DENND3: variants seen among roughly 807,000 people sequenced by gnomAD.
DENND3 encodes the protein DENN domain containing 3, also known as DENN domain-containing protein 3.
DENND3 carries 88 observed loss-of-function variants against 135.1 expected under a neutral mutation model. The observed-to-expected ratio is 0.65, with a 90% CI of 0.55 to 0.78. The LOEUF (loss-of-function observed/expected upper bound fraction) is 0.78, where lower values mean the gene tolerates loss of function less well. DENND3 is among the 30% of genes least tolerant of loss of function. DENND3 has a pLI of 0.00. For synonymous variants in DENND3, 693 were observed against 712.3 expected, an observed-to-expected ratio of 0.97 and a Z score of 0.43; for missense variants, 1,392 against 1,688.4, an observed-to-expected ratio of 0.82 and a Z score of 3.08.
At chr8:141,134,899 C>T (rs1047676031) in intron 1 of DENND3, among the ~76,000 whole-genome samples, 9 of 151,464 alleles carry the variant, frequency 5.9e-5, no homozygotes, top group South Asian at 2.1e-4. Flanking sequence ...GGTGAGATCT[C>T]GGCTCACTGC....
chr8:141,178,679 G>A (rs1269408098), intron 16 of DENND3, among the ~76,000 whole-genome samples: 1 of 152,212 alleles, frequency 6.6e-6, no homozygotes, highest in Non-Finnish European at 1.5e-5. Context: ...GCATGAGTGA[G>A]GAGAGGCCCT....
In DENND3 at chr8:141,146,654, A is replaced by C. The variant is rs1292641267; in HGVS notation, c.735+2395A>C. Among the ~76,000 whole-genome samples the C allele has an allele frequency of 6.6e-6, 1 of 152,176 alleles. No homozygotes were observed. Among genetic ancestry groups the C allele is most frequent in the Non-Finnish European group, 1.5e-5 (1 of 68,032 alleles). On this transcript the variant is annotated intron_variant, in intron 5 of 22. Coordinates refer to ENST00000519811, the MANE Select transcript of DENND3 (RefSeq NM_001352890.3). This position sits in a 1 kb window ranked among gnomAD's most constrained non-coding sequence, Gnocchi z 4.3. The stretch of plus-strand genomic sequence containing the variant: ...CAAAAGACACATGATTGTGAACTTA[A>C]AATGTGCGTTTTTAACATTACCCCA...
rs770135182 is a variant in DENND3, at chr8:141,168,213, A to G, written c.1963A>G (p.Asn655Asp). 6.2e-7 allele frequency: 1 copy of G among 1,614,140 alleles called. No homozygotes were observed. Among genetic ancestry groups the G allele is most frequent in the South Asian group, 1.1e-5 (1 of 91,084 alleles). Residue 655 changes from asparagine (N) to aspartate (D), a missense_variant, in exon 13 of 23, where the codon AAC becomes GAC. Transcript: ENST00000519811. This position sits in a 1 kb window ranked among gnomAD's most constrained non-coding sequence, Gnocchi z 6.2. ...LVYLMQGQLLNALLDFQNLYK... is the reference protein window; with the variant it reads ...LVYLMQGQLLDALLDFQNLYK... Reference sequence around the variant, plus strand: ...TTATCTGATGCAGGGACAGCTGCTGAACGCCCTCTTGGACTTCCAGAATCT... The same window carrying G: ...TTATCTGATGCAGGGACAGCTGCTGGACGCCCTCTTGGACTTCCAGAATCT...
In DENND3 at chr8:141,160,505, C is replaced by A. The variant is rs535399028; in HGVS notation, c.1197-127C>A. 14 of 1,197,546 alleles carry A rather than the reference C, an allele frequency of 1.2e-5. No individual in the cohort carries two copies. The African/African-American group carries it at 1.8e-4, about 16-fold the overall frequency. 74.2% of individuals were successfully genotyped at this position (1,197,546 alleles called of 1,614,324 possible). A position where few individuals can be genotyped will look rare whatever the true frequency, so the allele number is the denominator to read the frequency against. ...CCAGTGATGTACTTTAATGACCACCCGCCCCTCAAATTATTGATCGGTATT... is the reference window on the plus strand; with the variant it reads ...CCAGTGATGTACTTTAATGACCACCAGCCCCTCAAATTATTGATCGGTATT... On this transcript the variant is annotated intron_variant, in intron 8 of 22. Transcript: ENST00000519811.
Position 141,139,746 on chromosome 8 carries a change from A to G in DENND3, c.502-1457A>G, listed in dbSNP as rs1817226255. Among the ~76,000 whole-genome samples the G allele has an allele frequency of 6.6e-6, 1 of 152,196 alleles. No homozygotes were observed. Among genetic ancestry groups the G allele is most frequent in the African/African-American group, 2.4e-5 (1 of 41,446 alleles). On this transcript the variant is annotated intron_variant, in intron 3 of 22. Coordinates refer to ENST00000519811, the MANE Select transcript of DENND3 (RefSeq NM_001352890.3). This position sits in a 1 kb window ranked among gnomAD's most constrained non-coding sequence, Gnocchi z 4.2. ...AGCAGTCCCTCTGGTTTGCATGAGT[A>G]CAGCAGATGCCACTGTTCCCAGTGT...
rs765977192 is a variant in DENND3 at position 141,168,493 on chromosome 8, T to G, written c.2243T>G (p.Ile748Ser). 5.0e-6 allele frequency: 8 copies of G among 1,612,488 alleles called. No individual in the cohort carries two copies. Among genetic ancestry groups the G allele is most frequent in the Non-Finnish European group, 5.1e-6 (6 of 1,179,308 alleles). The change falls in exon 13 of 23, where the codon ATC (isoleucine) becomes AGC (serine). Residue 748 changes from isoleucine (I) to serine (S), a missense_variant. Transcript: ENST00000519811. The surrounding 1 kb of genome is among the most constrained non-coding windows in gnomAD (Gnocchi z 6.2). ...TCAGGGATCGTGAAGGACGCCAGCA[T>G]CATACACCGGCTGTTCGAGGCCTTG... is the stretch of plus-strand genomic sequence containing the variant. ...QESGIVKDAS[I>S]IHRLFEALTV...
chr8:141,151,911 T>C, intron 7 of DENND3, 74 bp downstream of exon 7: 1 of 1,563,016 alleles, frequency 6.4e-7, no homozygotes, highest in South Asian at 1.1e-5. Flanking sequence ...GGAAGATGCG[T>C]CTGAAAGTGC....
chr8:141,144,386 A>C lies in DENND3; in HGVS notation c.735+127A>C, dbSNP rs1014422872. The C allele has an allele frequency of 4.2e-5, 37 of 890,914 alleles. No homozygotes were observed. Among genetic ancestry groups the C allele is most frequent in the South Asian group, 1.3e-4 (6 of 47,912 alleles). The allele number at this position is 890,914 out of a possible 1,614,324, so 55.2% of individuals were successfully genotyped here. On this transcript the variant is annotated intron_variant, in intron 5 of 22. Coordinates refer to ENST00000519811, the MANE Select transcript of DENND3 (RefSeq NM_001352890.3). The surrounding 1 kb of genome is among the most constrained non-coding windows in gnomAD (Gnocchi z 4.4). Reference sequence around the variant, plus strand: ...GTTGTAAACCTAAAATAACATCCTAACCCCCCCGCCTCCCCACAGCTGACT... The same window carrying C: ...GTTGTAAACCTAAAATAACATCCTACCCCCCCCGCCTCCCCACAGCTGACT...
chr8:141,158,008 C>T, intron 8 of DENND3: 3 of 1,134,414 alleles, frequency 2.6e-6, no homozygotes, highest in Non-Finnish European at 3.3e-6. Flanking sequence ...GATCCACCTG[C>T]CTGGGCCTCC....
chr8:141,181,464 TGGCCCTGAGC>T (rs932461369), intron 17 of DENND3, among the ~76,000 whole-genome samples: 6 of 152,226 alleles, frequency 3.9e-5, no homozygotes, highest in African/African-American at 9.7e-5. Context: ...GGAGTCTGTG[TGGCCCTGAGC>T]GGCCCTGAGT....
rs757991385 is a variant in DENND3, at chr8:141,168,185, C to T, written c.1935C>T (p.Leu645=). The change falls in exon 13 of 23, where the codon CTC becomes CTT. Residue 645 remains leucine (L), a synonymous_variant. Coordinates refer to ENST00000519811, the MANE Select transcript of DENND3 (RefSeq NM_001352890.3). The surrounding 1 kb of genome is among the most constrained non-coding windows in gnomAD (Gnocchi z 6.2). ...CCCGCTATTTGTACCTCCGAGGGCT[C>T]GTTTATCTGATGCAGGGACAGCTGC... ...LLARYLYLRG[L]VYLMQGQLLN... is the part of the protein sequence containing the mutation. 13 of 1,614,164 alleles carry T rather than the reference C, an allele frequency of 8.1e-6. No homozygotes were observed. In the South Asian group the frequency reaches 1.2e-4, roughly 15 times the overall value.
chr8:141,190,694 T>C, intron 20 of DENND3: 1 of 378,764 alleles, frequency 2.6e-6, no homozygotes. Flanking sequence ...CACCTTGGCT[T>C]TTGCTGTGCC....
Position 141,174,032 on chromosome 8 carries a change from G to A in DENND3, c.2276-1168G>A, listed in dbSNP as rs80117398. ...CTGGCCAGGATGTCTCTGCCTTATC[G>A]GGGAAGGCGTGCGTGGGCATGCCTA... On this transcript the variant is annotated intron_variant, in intron 13 of 22. Transcript: ENST00000519811. This position sits in a 1 kb window ranked among gnomAD's most constrained non-coding sequence, Gnocchi z 4.6. 0.031 allele frequency among the ~76,000 whole-genome samples: 4,644 copies of A among 152,224 alleles called. 175 individuals are homozygous for A. Among genetic ancestry groups the A allele is most frequent in the African/African-American group, 0.087 (3,594 of 41,518 alleles).
rs542584778 is a variant in DENND3 at position 141,194,412 on chromosome 8, C to T, written c.*179C>T. On this transcript the variant is annotated 3_prime_UTR_variant, in exon 23 of 23. Coordinates refer to ENST00000519811, the MANE Select transcript of DENND3 (RefSeq NM_001352890.3). ...CATGGCCACGCACCTTCTCTCAGGC[C>T]TTCGGGCCCCCTGGTTAAACTGCAC... The T allele has an allele frequency of 7.4e-6, 5 of 680,206 alleles. No homozygotes were observed. In the East Asian group the frequency reaches 1.4e-4, roughly 19 times the overall value. 42.1% of individuals were successfully genotyped at this position (680,206 alleles called of 1,614,324 possible).
rs1816962385 is a variant in DENND3, at chr8:141,137,906, G to T, written c.386-116G>T. 1 of 991,072 alleles carries T rather than the reference G, an allele frequency of 1.0e-6. No homozygotes were observed. Among genetic ancestry groups the T allele is most frequent in the Non-Finnish European group, 1.5e-6 (1 of 672,204 alleles). 61.4% of individuals were successfully genotyped at this position (991,072 alleles called of 1,614,324 possible). Reference sequence around the variant, plus strand: ...GAATGAACCCGCCTTGGACATGAAGGCACCACCACTGCTAACTGTGGAGGT... The same window carrying T: ...GAATGAACCCGCCTTGGACATGAAGTCACCACCACTGCTAACTGTGGAGGT... On this transcript the variant is annotated intron_variant, in intron 2 of 22. Transcript: ENST00000519811. This position sits in a 1 kb window ranked among gnomAD's most constrained non-coding sequence, Gnocchi z 4.1.
intron 17 of DENND3, among the ~76,000 whole-genome samples, chr8:141,183,409 C>G (rs960740006): frequency 4.1e-5 from 6 of 147,392 alleles, no homozygotes; most frequent in Non-Finnish European, 7.4e-5. Flanking sequence ...TATGCCCAGC[C>G]AATTTTTGTA....
Position 141,128,862 on chromosome 8 carries a change from C to G in DENND3, c.102+53C>G. The stretch of plus-strand genomic sequence containing the variant: ...GTGGGCCACGAGTCGGCAGCCGGGA[C>G]AGCAGTCGGAGAGCGGGCGCCCGGG... On this transcript the variant is annotated intron_variant, in intron 1 of 22. Transcript: ENST00000519811. The surrounding 1 kb of genome is among the most constrained non-coding windows in gnomAD (Gnocchi z 4.5). The G allele has an allele frequency of 1.5e-6, 2 of 1,299,114 alleles. No individual in the cohort carries two copies. Among genetic ancestry groups the G allele is most frequent in the Non-Finnish European group, 1.0e-6 (1 of 1,000,234 alleles). 80.5% of individuals were successfully genotyped at this position (1,299,114 alleles called of 1,614,324 possible).
At position 141,141,564 on chromosome 8, in the gene DENND3, C is replaced by T. The variant is rs1038990355; in HGVS notation, c.623+240C>T. 8 of 542,986 alleles carry T rather than the reference C, an allele frequency of 1.5e-5. No individual in the cohort carries two copies. The highest frequency in any genetic ancestry group is 2.3e-5 in the Non-Finnish European group (7 of 302,530). The allele number at this position is 542,986 out of a possible 1,614,324, so 33.6% of individuals were successfully genotyped here. A position where few individuals can be genotyped will look rare whatever the true frequency, so the allele number is the denominator to read the frequency against. On this transcript the variant is annotated intron_variant, in intron 4 of 22. Coordinates refer to ENST00000519811, the MANE Select transcript of DENND3 (RefSeq NM_001352890.3). The surrounding 1 kb of genome is among the most constrained non-coding windows in gnomAD (Gnocchi z 5.3). ...TGGCAGCGGGCGCTCCTCTCTGTGACTGGTAACATACGGTAATGGCATGGT... is the reference window on the plus strand; with the variant it reads ...TGGCAGCGGGCGCTCCTCTCTGTGATTGGTAACATACGGTAATGGCATGGT...
intron 8 of DENND3, among the ~76,000 whole-genome samples, chr8:141,159,132 C>T (rs573941048): frequency 5.3e-5 from 8 of 152,238 alleles, no homozygotes; most frequent in Non-Finnish European, 1.0e-4. Flanking sequence ...GCTGGCCCCT[C>T]AGCAGCTGCT....
Sources: gnomAD v4.1 joint callset for allele counts (sites outside exome capture counted in the v4.1 genomes callset) on GRCh38, gnomAD v4.1.1 for gene constraint, Gnocchi (gnomAD v3.1) non-coding constraint, MANE v1.5 for transcripts, NCBI Gene and HGNC (gene_info 2026-07-23, HGNC 2026-07-21) for gene names.